DGKB: variants seen among roughly 807,000 people sequenced by gnomAD.
DGKB encodes the protein 90 kDa diacylglycerol kinase.
In DGKB, 67 loss-of-function variants were observed where a neutral mutation model predicts 114.3. The observed-to-expected ratio is 0.59, with a 90% CI of 0.48 to 0.72. The LOEUF (loss-of-function observed/expected upper bound fraction) is 0.72. DGKB is among the 30% of genes least tolerant of loss of function. The pLI is 0.00. For missense variants in DGKB, 907 were observed against 975.2 expected (o/e 0.93, Z 0.93); for synonymous variants, 398 against 323.1 (o/e 1.23, Z -2.49).
chr7:14,959,725 G>T (rs530589719), intron 1 of DGKB, among the ~76,000 whole-genome samples: 2 of 150,998 alleles, frequency 1.3e-5, no homozygotes, highest in South Asian at 4.2e-4. Flanking sequence ...GGGGAGAAGT[G>T]AGTGAAAAGC....
At chr7:14,169,595 T>G (rs7799696) in intron 25 of DGKB, among the ~76,000 whole-genome samples, 83,952 of 151,692 alleles carry the variant, frequency 0.55, 24,470 homozygotes, top group East Asian at 0.67. Flanking sequence ...GAGAATAATT[T>G]AATGTCATGA....
intron 23 of DGKB, among the ~76,000 whole-genome samples, chr7:14,195,392 A>T (rs1317444993): frequency 1.3e-5 from 2 of 152,160 alleles, no homozygotes; most frequent in Non-Finnish European, 2.9e-5. Flanking sequence ...CCTAACACTG[A>T]TGCCAGCTAA....
At chr7:14,754,708 T>C (rs757307072) in intron 3 of DGKB, among the ~76,000 whole-genome samples, 12 of 152,162 alleles carry the variant, frequency 7.9e-5, no homozygotes, top group Non-Finnish European at 1.5e-4. Context: ...GGATCTCTGC[T>C]ACAAACTAGC....
chr7:14,706,232 A>C (rs1287761725), intron 6 of DGKB, among the ~76,000 whole-genome samples: 41 of 143,926 alleles, frequency 2.8e-4, no homozygotes, highest in African/African-American at 5.1e-4. Context: ...CCATTACATA[A>C]TGGTAAAGGG....
At chr7:14,489,090 A>T (rs1250797092) in intron 20 of DGKB, among the ~76,000 whole-genome samples, 1 of 149,452 alleles carries the variant, frequency 6.7e-6, no homozygotes. Context: ...AAAAATCTTT[A>T]CTAAGATGAT....
At chr7:14,285,520 A>C (rs553465332) in intron 23 of DGKB, among the ~76,000 whole-genome samples, 1 of 152,324 alleles carries the variant, frequency 6.6e-6, no homozygotes, top group South Asian at 2.1e-4. Flanking sequence ...CTGATTTAGC[A>C]AAAGCCAATA....
At chr7:14,846,882 T>G (rs537281419) in intron 1 of DGKB, among the ~76,000 whole-genome samples, 1 of 152,264 alleles carries the variant, frequency 6.6e-6, no homozygotes, top group Admixed American at 6.5e-5. Context: ...TCTAGATGAG[T>G]CAATCTATTG....
chr7:14,957,242 G>A (rs1786561876), intron 1 of DGKB, among the ~76,000 whole-genome samples: 1 of 151,912 alleles, frequency 6.6e-6, no homozygotes, highest in Non-Finnish European at 1.5e-5. Context: ...ACAATCATTT[G>A]TTTAAAAAGA....
At chr7:14,778,991 A>G (rs778579005) in intron 2 of DGKB, among the ~76,000 whole-genome samples, 6 of 152,086 alleles carry the variant, frequency 3.9e-5, no homozygotes, top group Non-Finnish European at 7.4e-5. Flanking sequence ...CCCCACCTCT[A>G]CTAAAACTAC....
At chr7:14,495,191 A>G (rs1785124004) in intron 20 of DGKB, among the ~76,000 whole-genome samples, 1 of 151,998 alleles carries the variant, frequency 6.6e-6, no homozygotes, top group Admixed American at 6.6e-5. Context: ...AAATACTTTA[A>G]TAAGTGAACA....
chr7:14,583,585 T>C (rs1351490542), intron 17 of DGKB, among the ~76,000 whole-genome samples: 2 of 152,214 alleles, frequency 1.3e-5, no homozygotes, highest in Non-Finnish European at 2.9e-5. Flanking sequence ...TTAACAATGT[T>C]CTACTTTCTC....
At chr7:14,183,344 T>C (rs1268852351) in intron 23 of DGKB, among the ~76,000 whole-genome samples, 2 of 152,194 alleles carry the variant, frequency 1.3e-5, no homozygotes, top group East Asian at 3.9e-4. Context: ...TTTCCTGACC[T>C]ACATAACCCA....
chr7:14,934,088 T>C (rs117496645), intron 1 of DGKB, among the ~76,000 whole-genome samples: 3,103 of 152,230 alleles, frequency 0.02, 65 homozygotes, highest in Middle Eastern at 0.051. Context: ...AGAAGATCAA[T>C]TCCCTCAGGA....
At chr7:14,686,149 A>C (rs1031007589) in intron 9 of DGKB, among the ~76,000 whole-genome samples, 1 of 152,288 alleles carries the variant, frequency 6.6e-6, no homozygotes, top group East Asian at 1.9e-4. Flanking sequence ...CCTTGGGTTT[A>C]AATTAATTCC....
In DGKB at chr7:14,874,553, TTC is replaced by T. The variant is rs199643944; in HGVS notation, c.-188+28037_-188+28038del. Among the ~76,000 whole-genome samples the T allele has an allele frequency of 2.6e-5, 4 of 151,990 alleles. No individual in the cohort carries two copies. The East Asian group carries it at 7.7e-4, about 29-fold the overall frequency. ...TTTACAAAGCACATATCATATAATT[TTC>T]TCTCTCTCTCTTTTTCTATATATAG... is the stretch of plus-strand genomic sequence containing the variant. On this transcript the variant is annotated intron_variant, in intron 1 of 25. Transcript: ENST00000402815.
At chr7:14,796,284 A>C (rs1841394153) in intron 2 of DGKB, among the ~76,000 whole-genome samples, 1 of 152,156 alleles carries the variant, frequency 6.6e-6, no homozygotes, top group African/African-American at 2.4e-5. Flanking sequence ...TCTCTACTTG[A>C]AGAAGATCAA....
At chr7:14,482,575 A>G (rs1783140487) in intron 20 of DGKB, among the ~76,000 whole-genome samples, 1 of 152,062 alleles carries the variant, frequency 6.6e-6, no homozygotes, top group African/African-American at 2.4e-5. Flanking sequence ...GAAACACTAC[A>G]CTTTGTAATA....
chr7:14,700,196 T>C (rs117407625), intron 7 of DGKB, among the ~76,000 whole-genome samples: 4,438 of 149,500 alleles, frequency 0.03, 107 homozygotes, highest in Non-Finnish European at 0.049. Flanking sequence ...TTAAAAATAA[T>C]AGCATTTGAA....
intron 1 of DGKB, among the ~76,000 whole-genome samples, chr7:14,921,929 TCC>T (rs1298029937): frequency 6.6e-6 from 1 of 152,166 alleles, no homozygotes; most frequent in African/African-American, 2.4e-5. Context: ...ATCTTCCCAA[TCC>T]ACTGTGTTCT....
Sources: gnomAD v4.1 joint callset for allele counts (sites outside exome capture counted in the v4.1 genomes callset) on GRCh38, gnomAD v4.1.1 for gene constraint, MANE v1.5 for transcripts, NCBI Gene and HGNC (gene_info 2026-07-23, HGNC 2026-07-21) for gene names.